Variants in CNTN1 observed in about 807,000 individuals in gnomAD.
CNTN1 encodes contactin-1.
CNTN1 carries 38 observed loss-of-function variants against 126.4 expected under a neutral mutation model. That is an observed-to-expected ratio of 0.30 (90% CI 0.23 to 0.39). CNTN1 has a LOEUF of 0.39. Ranked by LOEUF, CNTN1 falls within the 10% of genes least tolerant of loss-of-function variation. The probability of loss-of-function intolerance (pLI) is 1.00; values close to 1 mark genes in which losing one functional copy is unlikely to be tolerated. For synonymous variants in CNTN1, 413 were observed against 422.6 expected (o/e 0.98, Z 0.28); for missense variants, 1,009 against 1,248.4 (o/e 0.81, Z 2.89).
chr12:40,882,803 A>G (rs1422468608), intron 1 of CNTN1, among the ~76,000 whole-genome samples: 1 of 151,648 alleles, frequency 6.6e-6, no homozygotes, highest in Non-Finnish European at 1.5e-5. Flanking sequence ...CATATTTAGT[A>G]TAAGTAAAAT....
chr12:40,859,433 TG>T (rs1943042352), intron 1 of CNTN1, among the ~76,000 whole-genome samples: 1 of 152,102 alleles, frequency 6.6e-6, no homozygotes, highest in Non-Finnish European at 1.5e-5. Context: ...AGGGGGTATA[TG>T]GGAACCTATC....
At chr12:41,041,461 T>C (rs1474855515) in intron 23 of CNTN1, among the ~76,000 whole-genome samples, 1 of 152,184 alleles carries the variant, frequency 6.6e-6, no homozygotes, top group East Asian at 1.9e-4. Flanking sequence ...CCTCTTTTTC[T>C]ATTGATTGGA....
chr12:40,920,942 T>A (rs10879362), intron 4 of CNTN1, among the ~76,000 whole-genome samples: 103,549 of 151,972 alleles, frequency 0.68, 35,981 homozygotes, highest in African/African-American at 0.83. Flanking sequence ...AATAAACAAA[T>A]ATTTGGAACC....
At chr12:40,705,883 C>T (rs1007864117) in intron 1 of CNTN1, among the ~76,000 whole-genome samples, 13 of 152,066 alleles carry the variant, frequency 8.5e-5, no homozygotes, top group South Asian at 2.1e-4. Context: ...GAGAGAGTGG[C>T]GGGGAGGTGC....
intron 1 of CNTN1, among the ~76,000 whole-genome samples, chr12:40,794,439 C>CT (rs144492303): frequency 1.2e-3 from 180 of 147,208 alleles, no homozygotes; most frequent in South Asian, 8.2e-3. Flanking sequence ...TGAATAACTA[C>CT]TTTTTTTTTT....
intron 1 of CNTN1, among the ~76,000 whole-genome samples, chr12:40,866,657 T>C (rs1943309155): frequency 6.6e-6 from 1 of 152,154 alleles, no homozygotes; most frequent in South Asian, 2.1e-4. Context: ...TTGGGAAAAA[T>C]CTCACTTGGC....
At chr12:40,750,072 C>T (rs998683817) in intron 1 of CNTN1, among the ~76,000 whole-genome samples, 1 of 151,910 alleles carries the variant, frequency 6.6e-6, no homozygotes, top group Non-Finnish European at 1.5e-5. Context: ...AGAAGATAAG[C>T]CTGATTGAAT....
intron 1 of CNTN1, among the ~76,000 whole-genome samples, chr12:40,812,595 G>T (rs758870973): frequency 4.6e-5 from 7 of 152,074 alleles, no homozygotes; most frequent in Non-Finnish European, 1.0e-4. Context: ...AGTATTGGGT[G>T]CATATATATT....
intron 1 of CNTN1, among the ~76,000 whole-genome samples, chr12:40,888,358 CA>C (rs1347254822): frequency 1.3e-5 from 2 of 151,898 alleles, no homozygotes; most frequent in Non-Finnish European, 2.9e-5. Flanking sequence ...CCCATATTCT[CA>C]AAAAACAATA....
chr12:40,877,219 C>G (rs1220779193), intron 1 of CNTN1, among the ~76,000 whole-genome samples: 1 of 152,176 alleles, frequency 6.6e-6, no homozygotes, highest in African/African-American at 2.4e-5. Flanking sequence ...CATATTTAGA[C>G]AGTTTTCCAC....
chr12:41,059,444 A>T (rs1949893676), intron 23 of CNTN1, among the ~76,000 whole-genome samples: 1 of 152,156 alleles, frequency 6.6e-6, no homozygotes, highest in South Asian at 2.1e-4. Context: ...CTCTCAACTC[A>T]TTACATTAAG....
At chr12:41,059,322 GA>G (rs1425368568) in intron 23 of CNTN1, among the ~76,000 whole-genome samples, 1 of 152,128 alleles carries the variant, frequency 6.6e-6, no homozygotes. Flanking sequence ...TTTATCCTGA[GA>G]AAGTTTCCAG....
chr12:40,711,098 A>G (rs2121163788), intron 1 of CNTN1, among the ~76,000 whole-genome samples: 1 of 152,110 alleles, frequency 6.6e-6, no homozygotes, highest in East Asian at 1.9e-4. Flanking sequence ...CAGAGAGAGG[A>G]ATCTCTTCTC....
chr12:40,819,650 A>G (rs1941380369), intron 1 of CNTN1, among the ~76,000 whole-genome samples: 1 of 152,098 alleles, frequency 6.6e-6, no homozygotes, highest in East Asian at 1.9e-4. Flanking sequence ...TCCTCCCTCA[A>G]GGAGCTCAAA....
Position 40,759,774 on chromosome 12 carries a change from A to ATTTT in CNTN1, c.-77+67198_-77+67201dup, listed in dbSNP as rs33992864. ...GTGAGCCACCTCACTTGGCCCAGAT[A>ATTTT]TTTTTTTTTTTTTTTTTTTCAAAAA... On this transcript the variant is annotated intron_variant, in intron 1 of 23. Coordinates refer to ENST00000551295, the MANE Select transcript of CNTN1 (RefSeq NM_001843.4). Among the ~76,000 whole-genome samples the ATTTT allele has an allele frequency of 1.6e-3, 213 of 133,562 alleles. 2 individuals are homozygous for ATTTT. The highest frequency in any genetic ancestry group is 4.9e-3 in the African/African-American group (174 of 35,648). 87.6% of individuals were successfully genotyped at this position (133,562 alleles called of 152,430 possible).
At chr12:40,722,762 T>G (rs1419479664) in intron 1 of CNTN1, among the ~76,000 whole-genome samples, 1 of 152,168 alleles carries the variant, frequency 6.6e-6, no homozygotes, top group Non-Finnish European at 1.5e-5. Context: ...GTTCTTTCTT[T>G]ACTAAGTGTA....
At chr12:40,939,248 A>T in intron 11 of CNTN1, 87 bp from the exon 12 acceptor site, 2 of 1,361,064 alleles carry the variant, frequency 1.5e-6, no homozygotes, top group Non-Finnish European at 2.0e-6. Flanking sequence ...ATTAACTATT[A>T]AGGAGAATAA....
intron 1 of CNTN1, among the ~76,000 whole-genome samples, chr12:40,740,775 G>C (rs1390592334): frequency 1.3e-5 from 2 of 152,032 alleles, no homozygotes; most frequent in African/African-American, 4.8e-5. Flanking sequence ...TTGTTCTCGT[G>C]ATACTGAATA....
intron 1 of CNTN1, among the ~76,000 whole-genome samples, chr12:40,757,740 G>A (rs969595717): frequency 6.6e-6 from 1 of 151,972 alleles, no homozygotes; most frequent in African/African-American, 2.4e-5. Flanking sequence ...AGAAACCAGG[G>A]TGAGCATGAA....
Sources: gnomAD v4.1 joint callset for allele counts (sites outside exome capture counted in the v4.1 genomes callset) on GRCh38, gnomAD v4.1.1 for gene constraint, MANE v1.5 for transcripts, NCBI Gene and HGNC (gene_info 2026-07-23, HGNC 2026-07-21) for gene names.